Variants in SGCZ observed in about 807,000 individuals in gnomAD.
The protein encoded by SGCZ is sarcoglycan zeta, also known as zeta-sarcoglycan.
SGCZ carries 40 observed loss-of-function variants against 41.3 expected under a neutral mutation model. That is an observed-to-expected ratio of 0.97 (90% confidence interval 0.75 to 1.26). SGCZ has a LOEUF of 1.26. Ranked by LOEUF, SGCZ falls within the 50% of genes most tolerant of loss-of-function variation. SGCZ has a pLI of 0.00. For missense variants in SGCZ, 552 were observed against 369.8 expected, an observed-to-expected ratio of 1.49 and a Z score of -4.04; for synonymous variants, 206 against 137.5, an observed-to-expected ratio of 1.50 and a Z score of -3.49.
At chr8:14,225,676 A>G (rs1203052631) in intron 4 of SGCZ, among the ~76,000 whole-genome samples, 1 of 152,158 alleles carries the variant, frequency 6.6e-6, no homozygotes, top group East Asian at 1.9e-4. Context: ...CATTGTATGT[A>G]TAATGAGCAC....
At chr8:14,357,641 T>C (rs1803344608) in intron 2 of SGCZ, among the ~76,000 whole-genome samples, 1 of 152,134 alleles carries the variant, frequency 6.6e-6, no homozygotes, top group African/African-American at 2.4e-5. Context: ...AGTATAAAAG[T>C]GATAAAATGT....
chr8:15,015,595 G>T lies in SGCZ; in HGVS notation c.39+221990C>A, dbSNP rs575325904. Reference sequence around the variant, plus strand: ...CCAGCTACCCGGAGAGGCTGAGGCAGGAGAATGGCGTGAACCCGGGAGGCA... The same window carrying T: ...CCAGCTACCCGGAGAGGCTGAGGCATGAGAATGGCGTGAACCCGGGAGGCA... On this transcript the variant is annotated intron_variant, in intron 1 of 7. Coordinates refer to ENST00000382080, the MANE Select transcript of SGCZ (RefSeq NM_139167.4). Among the ~76,000 whole-genome samples the T allele has an allele frequency of 2.0e-5, 3 of 150,596 alleles. No individual in the cohort carries two copies. The Admixed American group carries it at 2.0e-4, about 10-fold the overall frequency.
intron 1 of SGCZ, among the ~76,000 whole-genome samples, chr8:15,017,243 T>A (rs1039375867): frequency 6.6e-6 from 1 of 152,140 alleles, no homozygotes; most frequent in Non-Finnish European, 1.5e-5. Context: ...ATTATTCCCA[T>A]ATGAGAGAAT....
chr8:15,222,996 T>G (rs1329632693), intron 1 of SGCZ, among the ~76,000 whole-genome samples: 2 of 152,190 alleles, frequency 1.3e-5, no homozygotes, highest in East Asian at 1.9e-4. Flanking sequence ...AAAAACTGAT[T>G]GAAATAATGG....
At chr8:14,192,951 T>C (rs758728759) in intron 4 of SGCZ, among the ~76,000 whole-genome samples, 92 of 152,166 alleles carry the variant, frequency 6.0e-4, no homozygotes, top group Non-Finnish European at 1.1e-3. Context: ...AAGGTATGAT[T>C]AAATCTTTTT....
At chr8:14,752,810 A>C (rs749346425) in intron 1 of SGCZ, among the ~76,000 whole-genome samples, 1 of 152,190 alleles carries the variant, frequency 6.6e-6, no homozygotes, top group African/African-American at 2.4e-5. Flanking sequence ...TATACTGGGG[A>C]GATGATGCTT....
chr8:14,963,799 G>A (rs1019540313), intron 1 of SGCZ, among the ~76,000 whole-genome samples: 5 of 152,150 alleles, frequency 3.3e-5, no homozygotes, highest in African/African-American at 4.8e-5. Context: ...CTACTTACAA[G>A]ACTGTTTATT....
At chr8:14,505,394 C>T (rs114335011) in intron 2 of SGCZ, among the ~76,000 whole-genome samples, 2,452 of 152,182 alleles carry the variant, frequency 0.016, 60 homozygotes, top group African/African-American at 0.056. Context: ...CTCTGAACTT[C>T]TCTGAAGTTA....
intron 2 of SGCZ, among the ~76,000 whole-genome samples, chr8:14,479,588 C>A (rs1330512981): frequency 6.6e-6 from 1 of 152,130 alleles, no homozygotes; most frequent in Non-Finnish European, 1.5e-5. Context: ...ATCATCCCTG[C>A]AATTTTCTTG....
intron 1 of SGCZ, among the ~76,000 whole-genome samples, chr8:15,044,194 AT>A (rs1254901660): frequency 1.3e-5 from 2 of 152,186 alleles, no homozygotes; most frequent in African/African-American, 4.8e-5. Flanking sequence ...AAATGTCAGT[AT>A]CATAGGCTAC....
chr8:15,206,978 G>GA (rs1382045410), intron 1 of SGCZ, among the ~76,000 whole-genome samples: 2 of 152,050 alleles, frequency 1.3e-5, no homozygotes, highest in Non-Finnish European at 2.9e-5. Context: ...ATAGCTTGCA[G>GA]AAAAAAGGAA....
At chr8:14,994,829 A>T (rs980410887) in intron 1 of SGCZ, among the ~76,000 whole-genome samples, 1 of 152,308 alleles carries the variant, frequency 6.6e-6, no homozygotes, top group Non-Finnish European at 1.5e-5. Flanking sequence ...CTCAAATATT[A>T]TACACGTTTT....
At chr8:14,746,385 T>C (rs1297897705) in intron 1 of SGCZ, among the ~76,000 whole-genome samples, 1 of 152,092 alleles carries the variant, frequency 6.6e-6, no homozygotes, top group South Asian at 2.1e-4. Context: ...CAACTAATAA[T>C]AATAGACAAG....
rs966327015 is a variant in SGCZ at position 14,731,200 on chromosome 8, C to T, written c.40-176274G>A. ...CACATATACACCATGGAATATTATG[C>T]AGCCATAAAAAAGGATGAGTTCATG... On this transcript the variant is annotated intron_variant, in intron 1 of 7. Transcript: ENST00000382080. Among the ~76,000 whole-genome samples, 3 of 151,716 alleles carry T rather than the reference C, an allele frequency of 2.0e-5. 1 individual carries two copies. The highest frequency in any genetic ancestry group is 7.3e-5 in the African/African-American group (3 of 41,146).
Position 14,639,979 on chromosome 8 carries a change from G to A in SGCZ, c.40-85053C>T, listed in dbSNP as rs376994393. On this transcript the variant is annotated intron_variant, in intron 1 of 7. Coordinates refer to ENST00000382080, the MANE Select transcript of SGCZ (RefSeq NM_139167.4). ...TACTTAGAGCAGAAAGATAAATCCCGAGATATACTTGTCATCAATCACATT... is the reference window on the plus strand; with the variant it reads ...TACTTAGAGCAGAAAGATAAATCCCAAGATATACTTGTCATCAATCACATT... Among the ~76,000 whole-genome samples, 25 of 151,654 alleles carry A rather than the reference G, an allele frequency of 1.6e-4. No homozygotes were observed. In the East Asian group the frequency reaches 1.8e-3, roughly 11 times the overall value.
chr8:14,311,119 C>A (rs1275849822), intron 3 of SGCZ, among the ~76,000 whole-genome samples: 1 of 151,884 alleles, frequency 6.6e-6, no homozygotes, highest in Non-Finnish European at 1.5e-5. Context: ...AATTCCAATC[C>A]AACCATTCCT....
chr8:14,816,604 A>G (rs2130554233), intron 1 of SGCZ, among the ~76,000 whole-genome samples: 1 of 152,318 alleles, frequency 6.6e-6, no homozygotes, highest in East Asian at 1.9e-4. Context: ...TTAATTTCTC[A>G]GTTATACTAA....
At chr8:14,145,025 C>A (rs1160525282) in intron 5 of SGCZ, among the ~76,000 whole-genome samples, 5 of 152,134 alleles carry the variant, frequency 3.3e-5, no homozygotes, top group Non-Finnish European at 7.3e-5. Flanking sequence ...CTGATGGCAC[C>A]TCTGGATCTA....
chr8:15,155,940 C>G (rs1000446272), intron 1 of SGCZ, among the ~76,000 whole-genome samples: 5 of 151,342 alleles, frequency 3.3e-5, no homozygotes, highest in Admixed American at 6.6e-5. Flanking sequence ...CACCTGTAGT[C>G]CAAGCTACTC....
Sources: gnomAD v4.1 joint callset for allele counts (sites outside exome capture counted in the v4.1 genomes callset) on GRCh38, gnomAD v4.1.1 for gene constraint, MANE v1.5 for transcripts, NCBI Gene and HGNC (gene_info 2026-07-23, HGNC 2026-07-21) for gene names.